Variants in ADGRF5 observed in about 807,000 individuals in gnomAD.
ADGRF5 encodes G-protein coupled receptor 116.
Under a neutral mutation model 132.3 loss-of-function variants are expected in ADGRF5, and 75 were observed. The observed-to-expected ratio is 0.57, with a 90% CI of 0.47 to 0.69. The LOEUF is 0.69. ADGRF5 is among the 30% of genes least tolerant of loss of function. ADGRF5 has a pLI of 0.00. For missense variants in ADGRF5, 1,516 were observed against 1,630.6 expected (o/e 0.93, Z 1.21); for synonymous variants, 629 against 597.6 (o/e 1.05, Z -0.77).
chr6:46,860,717 T>C lies in ADGRF5; in HGVS notation c.2377A>G (p.Thr793Ala), dbSNP rs770532868. 1.2e-5 allele frequency: 19 copies of C among 1,609,838 alleles called. No individual in the cohort carries two copies. The highest frequency in any genetic ancestry group is 1.6e-5 in the Non-Finnish European group (19 of 1,176,712). ...VPTQVNSEMM[T>A]HVLSTVNVIL... ...CTGCAAAGGTTAAGCAAACTCACCG[T>C]CATCATTTCTGAATTTACTTGGGTT... is the stretch of plus-strand genomic sequence containing the variant. Residue 793 changes from threonine (T) to alanine (A), a missense_variant and splice_region_variant, in exon 16 of 21, where the codon ACG (threonine) becomes GCG (alanine). Transcript: ENST00000283296.
Position 46,899,975 on chromosome 6 carries a change from A to T in ADGRF5, c.157+54T>A, listed in dbSNP as rs556927254. On this transcript the variant is annotated intron_variant, in intron 3 of 20. Coordinates refer to ENST00000283296, the MANE Select transcript of ADGRF5 (RefSeq NM_001098518.2). ...CTACAATGTTTTAAAAAGTTGCAAC[A>T]CATACCATTTGAGTCAACTTATAAA... The T allele has an allele frequency of 1.7e-5, 21 of 1,220,914 alleles. No individual in the cohort carries two copies. The South Asian group carries it at 2.5e-4, about 15-fold the overall frequency. 75.6% of individuals were successfully genotyped at this position (1,220,914 alleles called of 1,614,324 possible).
intron 1 of ADGRF5, among the ~76,000 whole-genome samples, chr6:46,909,750 G>A (rs531657719): frequency 2.0e-4 from 30 of 152,272 alleles, no homozygotes; most frequent in Admixed American, 2.0e-4. Flanking sequence ...CAAGGAGAAA[G>A]GATCACTTGA....
chr6:46,899,265 A>G (rs1043540920), intron 3 of ADGRF5, among the ~76,000 whole-genome samples: 4 of 152,046 alleles, frequency 2.6e-5, no homozygotes, highest in African/African-American at 9.7e-5. Context: ...TGGGAAAGGC[A>G]CAGAAGGCCT....
chr6:46,897,153 C>T (rs935320283), intron 3 of ADGRF5, among the ~76,000 whole-genome samples: 30 of 148,766 alleles, frequency 2.0e-4, no homozygotes, highest in South Asian at 1.3e-3. Flanking sequence ...TATACACACA[C>T]ACACACACAC....
At chr6:46,914,742 T>C (rs1438774610) in intron 1 of ADGRF5, among the ~76,000 whole-genome samples, 1 of 151,982 alleles carries the variant, frequency 6.6e-6, no homozygotes, top group Non-Finnish European at 1.5e-5. Flanking sequence ...ATTCACCATG[T>C]GGAGGGGTTT....
chr6:46,918,923 A>G (rs1459839095), intron 1 of ADGRF5, among the ~76,000 whole-genome samples: 7 of 152,244 alleles, frequency 4.6e-5, no homozygotes, highest in Admixed American at 3.9e-4. Context: ...CCCCAGCTGC[A>G]TTATAGAATC....
chr6:46,924,332 G>A (rs867700255), upstream of ADGRF5, among the ~76,000 whole-genome samples: 1 of 152,178 alleles, frequency 6.6e-6, no homozygotes, highest in Non-Finnish European at 1.5e-5. Flanking sequence ...TGCATTGACT[G>A]TAAGCACCTT....
Position 46,867,079 on chromosome 6 carries a change from G to A in ADGRF5, c.1680C>T (p.Val560=), listed in dbSNP as rs1412918357. Residue 560 remains valine, a synonymous_variant, in exon 13 of 21, where the codon GTC becomes GTT. Coordinates refer to ENST00000283296, the MANE Select transcript of ADGRF5 (RefSeq NM_001098518.2). ...GCTTTAGAGGCAGCGGGTGAACAATGACGTCTTTGGTTGCAATACTGTATG... is the reference window on the plus strand; with the variant it reads ...GCTTTAGAGGCAGCGGGTGAACAATAACGTCTTTGGTTGCAATACTGTATG... ...KNSYSIATKD[V]IVHPLPLKLN... is the part of the protein sequence containing the mutation. 2 of 1,613,626 alleles carry A rather than the reference G, an allele frequency of 1.2e-6. No homozygotes were observed. Among genetic ancestry groups the A allele is most frequent in the African/African-American group, 1.3e-5 (1 of 74,922 alleles).
At chr6:46,883,086 T>G (rs1178512307) in intron 6 of ADGRF5, among the ~76,000 whole-genome samples, 1 of 152,266 alleles carries the variant, frequency 6.6e-6, no homozygotes, top group Non-Finnish European at 1.5e-5. Context: ...ACTGTTGGAA[T>G]ACTCTCTATT....
At chr6:46,861,280 T>C (rs1769720453) in intron 15 of ADGRF5, among the ~76,000 whole-genome samples, 2 of 152,236 alleles carry the variant, frequency 1.3e-5, no homozygotes, top group African/African-American at 4.8e-5. Flanking sequence ...ATCATTAAAG[T>C]GACTGACCCT....
rs1769093148 is a variant in ADGRF5, at chr6:46,856,729, G to C, written c.3865C>G (p.Gln1289Glu). ...GAGAAAAAGTTTACCTTTGAGTGCTGTGAAGACCATCTCGACAATGAAAAC... is the reference window on the plus strand; with the variant it reads ...GAGAAAAAGTTTACCTTTGAGTGCTCTGAAGACCATCTCGACAATGAAAAC... ...NKFSLSRWSSQHSKSTSLGSS... is the reference protein window; with the variant it reads ...NKFSLSRWSSEHSKSTSLGSS... Residue 1289 changes from glutamine to glutamate, a missense_variant, in exon 19 of 21, where the codon CAG (glutamine) becomes GAG (glutamate). Transcript: ENST00000283296. 1 of 1,482,468 alleles carries C rather than the reference G, an allele frequency of 6.7e-7. No individual in the cohort carries two copies. Among genetic ancestry groups the C allele is most frequent in the Non-Finnish European group, 9.4e-7 (1 of 1,060,552 alleles). The allele number at this position is 1,482,468 out of a possible 1,614,324, so 91.8% of individuals were successfully genotyped here. A position where few individuals can be genotyped will look rare whatever the true frequency, so the allele number is the denominator to read the frequency against.
chr6:46,882,371 G>A (rs1216010111), intron 6 of ADGRF5, among the ~76,000 whole-genome samples: 1 of 152,118 alleles, frequency 6.6e-6, no homozygotes, highest in African/African-American at 2.4e-5. Context: ...GAGGGAGCAG[G>A]GAAGACAGAG....
chr6:46,868,179 G>A (rs1770658022), intron 12 of ADGRF5, among the ~76,000 whole-genome samples: 1 of 152,184 alleles, frequency 6.6e-6, no homozygotes, highest in Admixed American at 6.5e-5. Context: ...TTGACCACTG[G>A]AGCCAGTCAA....
intron 10 of ADGRF5, among the ~76,000 whole-genome samples, chr6:46,874,727 G>T (rs1771451315): frequency 6.6e-6 from 1 of 152,140 alleles, no homozygotes. Context: ...TGAGGGGGGT[G>T]GAAGGATAAT....
chr6:46,953,865 A>C (rs964630713), intron 1 of ADGRF5, among the ~76,000 whole-genome samples: 1 of 151,868 alleles, frequency 6.6e-6, no homozygotes, highest in Non-Finnish European at 1.5e-5. Context: ...AATAGGTATG[A>C]ATTGTTTGAT....
At chr6:46,936,376 T>C (rs1250570135) in intron 1 of ADGRF5, among the ~76,000 whole-genome samples, 1 of 152,212 alleles carries the variant, frequency 6.6e-6, no homozygotes, top group African/African-American at 2.4e-5. Context: ...ATCTTCTCTA[T>C]CTTTTCTTCC....
chr6:46,948,633 T>C (rs755133890), intron 1 of ADGRF5, among the ~76,000 whole-genome samples: 24 of 152,178 alleles, frequency 1.6e-4, no homozygotes, highest in Non-Finnish European at 3.1e-4. Context: ...AGCATCGCTG[T>C]CTCAGGTCTA....
At chr6:46,922,958 G>A (rs938626805), upstream of ADGRF5, among the ~76,000 whole-genome samples, 4 of 152,088 alleles carry the variant, frequency 2.6e-5, no homozygotes, top group Middle Eastern at 3.2e-3. Context: ...ACGGAGTCTC[G>A]CTCTGTCTCC....
chr6:46,905,363 G>T (rs183939785), intron 2 of ADGRF5: 14 of 152,124 alleles, frequency 9.2e-5, no homozygotes, highest in African/African-American at 3.4e-4. Flanking sequence ...ATAAAGAAAA[G>T]ACAAAGATAA....
Sources: gnomAD v4.1 joint callset for allele counts (sites outside exome capture counted in the v4.1 genomes callset) on GRCh38, gnomAD v4.1.1 for gene constraint, MANE v1.5 for transcripts, NCBI Gene and HGNC (gene_info 2026-07-23, HGNC 2026-07-21) for gene names.